ADAM18: variants seen among roughly 807,000 people sequenced by gnomAD.
The protein encoded by ADAM18 is ADAM metallopeptidase domain 18, also known as disintegrin and metalloproteinase domain-containing protein 18.
Under a neutral mutation model 94.4 loss-of-function variants are expected in ADAM18, and 117 were observed. The ratio of observed to expected loss-of-function variants is 1.24; its 90% CI spans 1.07 to 1.45. The LOEUF is 1.45. Ranked by LOEUF, ADAM18 falls within the 40% of genes most tolerant of loss-of-function variation. ADAM18 has a pLI of 0.00. For synonymous variants in ADAM18, 327 were observed against 291.6 expected, an observed-to-expected ratio of 1.12 and a Z score of -1.24; for missense variants, 936 against 880.0, an observed-to-expected ratio of 1.06 and a Z score of -0.81.
chr8:39,679,959 C>A, intron 15 of ADAM18, 78 bp from the exon 16 acceptor site: 1 of 1,357,960 alleles, frequency 7.4e-7, no homozygotes, highest in South Asian at 1.2e-5. Context: ...CAGTATGTTA[C>A]CATTATGCAG....
chr8:39,712,147 C>T (rs560816705), intron 18 of ADAM18, among the ~76,000 whole-genome samples: 94 of 150,826 alleles, frequency 6.2e-4, no homozygotes, highest in African/African-American at 2.1e-3. Context: ...TCAATAATCA[C>T]GTTCAATGTT....
At chr8:39,624,824 G>T (rs542709288) in intron 6 of ADAM18, among the ~76,000 whole-genome samples, 2 of 152,084 alleles carry the variant, frequency 1.3e-5, no homozygotes, top group Non-Finnish European at 2.9e-5. Flanking sequence ...CTCCTGCTCC[G>T]TCCATGTAAG....
At chr8:39,692,508 G>A (rs1821809405) in intron 16 of ADAM18, 92 bp from the exon 17 acceptor site, 1 of 539,146 alleles carries the variant, frequency 1.9e-6, no homozygotes, top group Non-Finnish European at 3.1e-6. Context: ...TTCAACTTAA[G>A]CATCTCTTAT....
chr8:39,643,838 C>T (rs1820304585), intron 10 of ADAM18, among the ~76,000 whole-genome samples: 1 of 150,618 alleles, frequency 6.6e-6, no homozygotes, highest in Non-Finnish European at 1.5e-5. Context: ...ACCATATTTC[C>T]CTCTCTGATC....
rs191715333 is a variant in ADAM18, at chr8:39,602,575, G to T, written c.133-3732G>T. Reference sequence around the variant, plus strand: ...TTGCAAAATCCCTCTTCTGGTCTAAGATTTTAAAAATATACCGTTATTTTC... The same window carrying T: ...TTGCAAAATCCCTCTTCTGGTCTAATATTTTAAAAATATACCGTTATTTTC... On this transcript the variant is annotated intron_variant, in intron 2 of 19. Coordinates refer to ENST00000265707, the MANE Select transcript of ADAM18 (RefSeq NM_014237.3). 4.5e-4 allele frequency among the ~76,000 whole-genome samples: 69 copies of T among 152,170 alleles called. No homozygotes were observed. In the East Asian group the frequency reaches 8.5e-3, roughly 19 times the overall value.
chr8:39,723,717 C>T, intron 18 of ADAM18, 31 bp from the exon 19 acceptor site: 1 of 1,383,908 alleles, frequency 7.2e-7, no homozygotes. Context: ...CCACTGAGTC[C>T]CCACTAATTT....
intron 6 of ADAM18, among the ~76,000 whole-genome samples, chr8:39,627,871 G>A (rs1819817572): frequency 6.6e-6 from 1 of 151,938 alleles, no homozygotes; most frequent in South Asian, 2.1e-4. Flanking sequence ...GTTTTAAGAT[G>A]TACAACTCCT....
chr8:39,668,368 A>G (rs1262070870), intron 14 of ADAM18, among the ~76,000 whole-genome samples, 172 bp downstream of exon 14: 1 of 152,196 alleles, frequency 6.6e-6, no homozygotes, highest in Non-Finnish European at 1.5e-5. Flanking sequence ...TTTCCAAGAA[A>G]AAGACCATAC....
intron 3 of ADAM18, among the ~76,000 whole-genome samples, chr8:39,608,188 T>G (rs1053796286): frequency 6.6e-6 from 1 of 152,062 alleles, no homozygotes; most frequent in African/African-American, 2.4e-5. Context: ...TATATCTATA[T>G]CTATATCTAA....
At chr8:39,699,018 C>G (rs1821996603) in intron 17 of ADAM18, among the ~76,000 whole-genome samples, 1 of 152,078 alleles carries the variant, frequency 6.6e-6, no homozygotes, top group Non-Finnish European at 1.5e-5. Context: ...CCCTTCACAA[C>G]TCCACTTTCC....
chr8:39,625,849 C>T (rs1028771186), intron 6 of ADAM18, among the ~76,000 whole-genome samples: 15 of 151,860 alleles, frequency 9.9e-5, no homozygotes, highest in Admixed American at 3.9e-4. Flanking sequence ...GTGATCCATC[C>T]CTCCTGCATC....
intron 18 of ADAM18, among the ~76,000 whole-genome samples, chr8:39,709,526 G>A (rs1474841142): frequency 2.0e-5 from 3 of 152,154 alleles, no homozygotes; most frequent in African/African-American, 7.2e-5. Context: ...CTTAGTTGGG[G>A]ACCTGCCTTT....
At chr8:39,654,181 A>T (rs1820621669) in intron 12 of ADAM18, among the ~76,000 whole-genome samples, 1 of 132,748 alleles carries the variant, frequency 7.5e-6, no homozygotes, top group African/African-American at 3.3e-5. Context: ...TTTTGGAGAC[A>T]GAGTCTCGCT....
chr8:39,725,869 A>T (rs1023721576), intron 19 of ADAM18, among the ~76,000 whole-genome samples: 1 of 152,206 alleles, frequency 6.6e-6, no homozygotes, highest in Non-Finnish European at 1.5e-5. Context: ...ATTCATACCC[A>T]GAAGTGAGGT....
At chr8:39,726,856 C>T (rs954988450) in intron 19 of ADAM18, among the ~76,000 whole-genome samples, 2 of 152,096 alleles carry the variant, frequency 1.3e-5, no homozygotes, top group African/African-American at 2.4e-5. Flanking sequence ...TATTTGACAA[C>T]CATCTTACAA....
intron 12 of ADAM18, among the ~76,000 whole-genome samples, chr8:39,662,593 T>G (rs970186576): frequency 6.6e-6 from 1 of 152,190 alleles, no homozygotes; most frequent in Non-Finnish European, 1.5e-5. Context: ...ATAATATTTG[T>G]TTTTTAAGAT....
chr8:39,695,180 A>C (rs1035825910), intron 17 of ADAM18, among the ~76,000 whole-genome samples: 1 of 151,638 alleles, frequency 6.6e-6, no homozygotes, highest in Non-Finnish European at 1.5e-5. Flanking sequence ...ATTGTGAATA[A>C]TGTTGCTATA....
chr8:39,658,647 G>A (rs750567027), intron 12 of ADAM18, among the ~76,000 whole-genome samples: 1 of 152,152 alleles, frequency 6.6e-6, no homozygotes, highest in East Asian at 1.9e-4. Flanking sequence ...GTTTTAAACC[G>A]CTAAGTTTGT....
intron 17 of ADAM18, among the ~76,000 whole-genome samples, chr8:39,696,473 A>T (rs1311307767): frequency 6.6e-6 from 1 of 151,398 alleles, no homozygotes; most frequent in African/African-American, 2.4e-5. Context: ...CTTTTCCCTT[A>T]TGTTTATCTC....
Sources: gnomAD v4.1 joint callset for allele counts (sites outside exome capture counted in the v4.1 genomes callset) on GRCh38, gnomAD v4.1.1 for gene constraint, MANE v1.5 for transcripts, NCBI Gene and HGNC (gene_info 2026-07-23, HGNC 2026-07-21) for gene names.